The following SLC38A4 variants were observed in gnomAD, a reference collection of about 807,000 sequenced individuals.
SLC38A4 encodes sodium-coupled neutral amino acid transporter 4.
Under a neutral mutation model 63.1 loss-of-function variants are expected in SLC38A4, and 20 were observed. The ratio of observed to expected loss-of-function variants is 0.32; its 90% CI spans 0.22 to 0.46. The LOEUF (loss-of-function observed/expected upper bound fraction) is 0.46. Ranked by LOEUF, SLC38A4 falls within the 20% of genes least tolerant of loss-of-function variation. The pLI, the probability that SLC38A4 is intolerant of heterozygous loss-of-function variation, is 1.00. For synonymous variants in SLC38A4, 230 were observed against 225.5 expected (o/e 1.02, Z -0.18); for missense variants, 526 against 663.6 (o/e 0.79, Z 2.28).
chr12:46,770,739 A>T (rs763847458), intron 14 of SLC38A4, among the ~76,000 whole-genome samples: 8 of 151,960 alleles, frequency 5.3e-5, no homozygotes, highest in Non-Finnish European at 7.4e-5. Context: ...CACTTTTTGG[A>T]CTTAGTGGAA....
chr12:46,785,209 T>C (rs377668149), intron 5 of SLC38A4, 32 bp from the exon 6 acceptor site: 25 of 1,491,956 alleles, frequency 1.7e-5, no homozygotes, highest in Middle Eastern at 3.4e-4. Flanking sequence ...GGTAATAAAG[T>C]TTCTACAATA....
intron 10 of SLC38A4, among the ~76,000 whole-genome samples, chr12:46,779,145 A>G (rs1187767530): frequency 6.6e-6 from 1 of 151,900 alleles, no homozygotes; most frequent in Non-Finnish European, 1.5e-5. Context: ...AAATTTTGGC[A>G]TTCATGATAG....
At chr12:46,789,201 T>G (rs1938828990) in intron 3 of SLC38A4, among the ~76,000 whole-genome samples, 2 of 150,132 alleles carry the variant, frequency 1.3e-5, no homozygotes, top group Non-Finnish European at 3.0e-5. Flanking sequence ...TAGCTGGTAT[T>G]TTCTTTCTTT....
rs1230513340 is a variant in SLC38A4 at position 46,764,792 on chromosome 12, A to G, written c.*1909T>C. 3.3e-5 allele frequency: 5 copies of G among 152,358 alleles called. No individual in the cohort carries two copies. Among genetic ancestry groups the G allele is most frequent in the Admixed American group, 1.3e-4 (2 of 15,276 alleles). 9.4% of individuals were successfully genotyped at this position (152,358 alleles called of 1,614,324 possible). A position where few individuals can be genotyped will look rare whatever the true frequency, so the allele number is the denominator to read the frequency against. On this transcript the variant is annotated 3_prime_UTR_variant, in exon 17 of 17. Transcript: ENST00000266579. ...TGAAAAGTTCATTTATTATATACCAATATACACTTTCTGTAATAAAAAAGA... is the reference window on the plus strand; with the variant it reads ...TGAAAAGTTCATTTATTATATACCAGTATACACTTTCTGTAATAAAAAAGA...
At chr12:46,775,908 G>T (rs180417) in intron 13 of SLC38A4, among the ~76,000 whole-genome samples, 98,998 of 151,714 alleles carry the variant, frequency 0.65, 34,402 homozygotes, top group Middle Eastern at 0.81. Flanking sequence ...AGACAAAAAG[G>T]AGTGAAAATA....
At chr12:46,786,458 A>G (rs1938763113) in intron 5 of SLC38A4, among the ~76,000 whole-genome samples, 1 of 152,092 alleles carries the variant, frequency 6.6e-6, no homozygotes, top group Non-Finnish European at 1.5e-5. Context: ...TAAAAAGTGG[A>G]ACATTCTTCT....
At chr12:46,820,839 G>A (rs995829499) in intron 1 of SLC38A4, among the ~76,000 whole-genome samples, 5 of 151,884 alleles carry the variant, frequency 3.3e-5, no homozygotes, top group Non-Finnish European at 5.9e-5. Context: ...GCTAACATTT[G>A]TTATCTTTTG....
rs980015169 is a variant in SLC38A4 at position 46,789,756 on chromosome 12, T to A, written c.120-1138A>T. Among the ~76,000 whole-genome samples, 4 of 152,268 alleles carry A rather than the reference T, an allele frequency of 2.6e-5. No individual in the cohort carries two copies. The Middle Eastern group carries it at 0.01, about 388-fold the overall frequency. On this transcript the variant is annotated intron_variant, in intron 3 of 16. Coordinates refer to ENST00000266579, the MANE Select transcript of SLC38A4 (RefSeq NM_018018.5). ...ACATGAAAAGAAAGATAAAGAAAGA[T>A]AAAATAATTGAAGATTGTTCTATTA...
intron 1 of SLC38A4, among the ~76,000 whole-genome samples, chr12:46,815,282 T>C (rs201816826): frequency 0.18 from 15,811 of 88,596 alleles, 1,634 homozygotes; most frequent in African/African-American, 0.39. Context: ...TATATATATA[T>C]ATACACACAC....
chr12:46,820,870 C>T (rs1452477067), intron 1 of SLC38A4, among the ~76,000 whole-genome samples: 3 of 151,924 alleles, frequency 2.0e-5, no homozygotes, highest in East Asian at 1.9e-4. Context: ...AATAGCCGTC[C>T]TAATGTGTGT....
At chr12:46,825,467 A>ATTGCTTCAAAAG (rs1251016913) in intron 1 of SLC38A4, among the ~76,000 whole-genome samples, 2 of 152,220 alleles carry the variant, frequency 1.3e-5, no homozygotes, top group African/African-American at 4.8e-5. Context: ...GATAAGAAGG[A>ATTGCTTCAAAAG]ATAAAACAGT....
At chr12:46,795,921 A>ATTCG (rs1938993558) in intron 2 of SLC38A4, among the ~76,000 whole-genome samples, 1 of 151,934 alleles carries the variant, frequency 6.6e-6, no homozygotes, top group South Asian at 2.1e-4. Flanking sequence ...CAGACGGCCC[A>ATTCG]ATCAAAAGGC....
At chr12:46,826,502 T>G (rs1939657972), upstream of SLC38A4, among the ~76,000 whole-genome samples, 1 of 152,234 alleles carries the variant, frequency 6.6e-6, no homozygotes, top group South Asian at 2.1e-4. Context: ...CCATAGCTGT[T>G]GTTTTAAAAA....
Position 46,779,767 on chromosome 12 carries a change from A to G in SLC38A4, c.658+13T>C. 6.3e-7 allele frequency: 1 copy of G among 1,596,580 alleles called. No individual in the cohort carries two copies. The highest frequency in any genetic ancestry group is 8.5e-7 in the Non-Finnish European group (1 of 1,171,182). On this transcript the variant is annotated intron_variant, in intron 9 of 16. Transcript: ENST00000266579. ...TAAAAATAAAAATATTTCCAGTTAG[A>G]AAATATCTTTACCTAAATTTTTAAG...
intron 1 of SLC38A4, among the ~76,000 whole-genome samples, chr12:46,807,427 C>A (rs1444940935): frequency 6.6e-6 from 1 of 151,908 alleles, no homozygotes; most frequent in African/African-American, 2.4e-5. Flanking sequence ...GTCTATCTGA[C>A]CTCCCAGGTC....
intron 1 of SLC38A4, among the ~76,000 whole-genome samples, chr12:46,823,584 G>A (rs1939591495): frequency 6.6e-6 from 1 of 152,196 alleles, no homozygotes; most frequent in South Asian, 2.1e-4. Flanking sequence ...CAGAGACTCA[G>A]GGCAATGCAT....
At chr12:46,805,489 T>G (rs927988073) in intron 1 of SLC38A4, among the ~76,000 whole-genome samples, 9 of 152,066 alleles carry the variant, frequency 5.9e-5, no homozygotes, top group African/African-American at 2.2e-4. Flanking sequence ...TGAAGAAATA[T>G]ATGGTCTGCT....
chr12:46,779,383 C>A (rs1157934172), intron 10 of SLC38A4, among the ~76,000 whole-genome samples: 1 of 151,916 alleles, frequency 6.6e-6, no homozygotes, highest in Non-Finnish European at 1.5e-5. Context: ...CCATATATAA[C>A]CAGTGTGCCT....
At position 46,803,694 on chromosome 12, in the gene SLC38A4, G is replaced by A. The variant is rs1939175941; in HGVS notation, c.-204C>T. The A allele has an allele frequency of 6.6e-6, 1 of 151,526 alleles. No individual in the cohort carries two copies. Among genetic ancestry groups the A allele is most frequent in the South Asian group, 2.1e-4 (1 of 4,804 alleles). The allele number at this position is 151,526 out of a possible 1,614,324, so 9.4% of individuals were successfully genotyped here. A position where few individuals can be genotyped will look rare whatever the true frequency, so the allele number is the denominator to read the frequency against. The stretch of plus-strand genomic sequence containing the variant: ...GCTTTGATTTATATGAAACTTTAGA[G>A]ATCTAGACATTGATTTAAAGACCAG... On this transcript the variant is annotated 5_prime_UTR_variant, in exon 2 of 17. Transcript: ENST00000266579.
Sources: allele counts gnomAD v4.1 joint callset (sites outside exome capture counted in the v4.1 genomes callset), GRCh38; gene constraint gnomAD v4.1.1; transcripts MANE v1.5; gene names NCBI Gene and HGNC (gene_info 2026-07-23, HGNC 2026-07-21).